ANKRD30B: variants seen among roughly 807,000 people sequenced by gnomAD.
The protein encoded by ANKRD30B is ankyrin repeat domain-containing protein 30B.
ANKRD30B carries 144 observed loss-of-function variants against 202.2 expected under a neutral mutation model. That is an observed-to-expected ratio of 0.71 (90% confidence interval 0.62 to 0.82). ANKRD30B has a LOEUF of 0.82. Among genes scored for constraint, ANKRD30B ranks in the 40% least tolerant of loss-of-function variants. The pLI, the probability that ANKRD30B is intolerant of heterozygous loss-of-function variation, is 0.00. For synonymous variants in ANKRD30B, 508 were observed against 561.3 expected (o/e 0.91, Z 1.34); for missense variants, 1,487 against 1,669.1 (o/e 0.89, Z 1.90).
chr18:14,871,019 CCA>C, the ANKRD30B span, among the ~76,000 whole-genome samples: 2 of 129,940 alleles, frequency 1.5e-5, no homozygotes, highest in African/African-American at 6.3e-5. Context: ...ACACCCCTAC[CCA>C]CACACCCTCA....
intron 32 of ANKRD30B, among the ~76,000 whole-genome samples, chr18:14,826,306 C>CA (rs1369643486): frequency 1.3e-5 from 2 of 152,178 alleles, no homozygotes; most frequent in African/African-American, 4.8e-5. Context: ...AGTGATGTTG[C>CA]AAATTTCTTT....
chr18:14,793,152 A>G (rs1968637978), intron 16 of ANKRD30B, among the ~76,000 whole-genome samples: 1 of 152,090 alleles, frequency 6.6e-6, no homozygotes, highest in Non-Finnish European at 1.5e-5. Flanking sequence ...GTTGGATACT[A>G]TTGTAGCATA....
chr18:14,787,045 T>C lies in ANKRD30B; in HGVS notation c.1679T>C (p.Met560Thr). Residue 560 changes from methionine (M) to threonine (T), a missense_variant, in exon 15 of 44, where the codon ATG becomes ACG. Physicochemically the swap from Met to Thr is moderately conservative, Grantham distance 81 (BLOSUM62 -1). Transcript: ENST00000690538. ...TGTGATTAACCTTTTATAGCTCAGA[T>C]GTTCCCATCAGAATCCAAACAAAAG... Reference protein sequence around the residue: ...KNEQTLRAAQMFPSESKQKDD... With the variant: ...KNEQTLRAAQTFPSESKQKDD... 1 of 1,609,480 alleles carries C rather than the reference T, an allele frequency of 6.2e-7. No homozygotes were observed. Among genetic ancestry groups the C allele is most frequent in the South Asian group, 1.1e-5 (1 of 90,762 alleles).
the ANKRD30B span, among the ~76,000 whole-genome samples, chr18:14,872,648 G>A: frequency 1.3e-5 from 2 of 152,022 alleles, no homozygotes; most frequent in Non-Finnish European, 2.9e-5. Context: ...CAGAGAAGTA[G>A]CACTGAGTCA....
the ANKRD30B span, among the ~76,000 whole-genome samples, chr18:14,919,914 T>C: frequency 6.6e-6 from 1 of 152,180 alleles, no homozygotes; most frequent in Non-Finnish European, 1.5e-5. Context: ...CAGGTCAAAG[T>C]CCAGGCTTCT....
chr18:14,935,875 G>A, the ANKRD30B span, among the ~76,000 whole-genome samples: 83 of 152,248 alleles, frequency 5.5e-4, 2 homozygotes. Flanking sequence ...AGTGCAGCCT[G>A]TGAAAGGCAG....
chr18:14,761,395 C>G (rs1309277433), intron 6 of ANKRD30B, among the ~76,000 whole-genome samples: 1 of 152,158 alleles, frequency 6.6e-6, no homozygotes, highest in Non-Finnish European at 1.5e-5. Context: ...GGCTTTGAGT[C>G]AACATACCTG....
At chr18:14,920,192 A>C in the ANKRD30B span, among the ~76,000 whole-genome samples, 2 of 152,158 alleles carry the variant, frequency 1.3e-5, no homozygotes, top group African/African-American at 4.8e-5. Context: ...TTATTCGTTC[A>C]TTCATTTGAA....
rs775847345 is a variant in ANKRD30B, at chr18:14,796,214, C to G, written c.1826-7C>G. On this transcript the variant is annotated splice_region_variant and splice_polypyrimidine_tract_variant and intron_variant, in intron 16 of 43. Transcript: ENST00000690538. Reference sequence around the variant, plus strand: ...ATAATCAATTATATATGTCCCTTTACGTTTAGAGTCTCCTGTTAAAGATGG... The same window carrying G: ...ATAATCAATTATATATGTCCCTTTAGGTTTAGAGTCTCCTGTTAAAGATGG... 6.3e-7 allele frequency: 1 copy of G among 1,593,986 alleles called. No individual in the cohort carries two copies.
intron 6 of ANKRD30B, among the ~76,000 whole-genome samples, chr18:14,761,251 C>T (rs1279685734): frequency 6.6e-6 from 1 of 152,106 alleles, no homozygotes; most frequent in Non-Finnish European, 1.5e-5. Flanking sequence ...TACCCAGACA[C>T]CCATATTCAG....
At chr18:14,817,314 C>G (rs1970165913) in intron 30 of ANKRD30B, among the ~76,000 whole-genome samples, 2 of 152,132 alleles carry the variant, frequency 1.3e-5, no homozygotes, top group African/African-American at 2.4e-5. Flanking sequence ...ATCTTTAGAG[C>G]CATGCCATGT....
intron 8 of ANKRD30B, among the ~76,000 whole-genome samples, chr18:14,771,063 C>T (rs907511249): frequency 1.3e-5 from 2 of 152,226 alleles, no homozygotes; most frequent in East Asian, 1.9e-4. Flanking sequence ...GCAAGTAAGT[C>T]GTGGTTCAGT....
the ANKRD30B span, among the ~76,000 whole-genome samples, chr18:14,892,139 C>T: frequency 1.3e-5 from 2 of 152,338 alleles, no homozygotes; most frequent in South Asian, 4.1e-4. Flanking sequence ...AGTCTCTTTA[C>T]TCCTGCCATT....
At chr18:14,796,536 A>C in intron 18 of ANKRD30B, 121 bp downstream of exon 18, 1 of 1,202,298 alleles carries the variant, frequency 8.3e-7, no homozygotes, top group Non-Finnish European at 1.1e-6. Context: ...ATTTGAAACA[A>C]ATAATGCCAA....
chr18:14,820,991 C>T (rs1423374284), intron 30 of ANKRD30B, among the ~76,000 whole-genome samples: 1 of 152,116 alleles, frequency 6.6e-6, no homozygotes, highest in African/African-American at 2.4e-5. Flanking sequence ...TCCATCTGGT[C>T]CTGGACTCTT....
At chr18:14,887,885 A>T in the ANKRD30B span, among the ~76,000 whole-genome samples, 2 of 151,616 alleles carry the variant, frequency 1.3e-5, no homozygotes, top group African/African-American at 4.8e-5. Context: ...TTATACAAAG[A>T]TAGATTATGT....
At chr18:14,846,779 C>T (rs1274763010) in intron 39 of ANKRD30B, among the ~76,000 whole-genome samples, 1 of 151,724 alleles carries the variant, frequency 6.6e-6, no homozygotes, top group Non-Finnish European at 1.5e-5. Context: ...TGTGGTATAT[C>T]TTGTTTCATC....
chr18:14,839,411 G>A (rs1347488205), intron 36 of ANKRD30B, among the ~76,000 whole-genome samples: 3 of 152,242 alleles, frequency 2.0e-5, no homozygotes, highest in East Asian at 3.9e-4. Context: ...AACAGAGAGG[G>A]CAGTGGACCA....
At chr18:14,817,151 C>G (rs1970158101) in intron 30 of ANKRD30B, 1 of 152,150 alleles carries the variant, frequency 6.6e-6, no homozygotes, top group Admixed American at 6.5e-5. Context: ...CATGATGACT[C>G]AAAAGCAACA....
Sources: allele counts gnomAD v4.1 joint callset (sites outside exome capture counted in the v4.1 genomes callset), GRCh38; gene constraint gnomAD v4.1.1; transcripts MANE v1.5; gene names NCBI Gene and HGNC (gene_info 2026-07-23, HGNC 2026-07-21).